SH3RF3: variants seen among roughly 807,000 people sequenced by gnomAD.
SH3RF3 encodes the protein SH3 domain containing ring finger 3, also known as E3 ubiquitin-protein ligase SH3RF3.
SH3RF3 carries 29 observed loss-of-function variants against 66.3 expected under a neutral mutation model. That is an observed-to-expected ratio of 0.44 (90% CI 0.33 to 0.60). The LOEUF (loss-of-function observed/expected upper bound fraction) is 0.60. SH3RF3 is among the 20% of genes least tolerant of loss of function. The pLI is 0.04. For synonymous variants in SH3RF3, 583 were observed against 532.0 expected, an observed-to-expected ratio of 1.10 and a Z score of -1.32; for missense variants, 1,194 against 1,190.9, an observed-to-expected ratio of 1.00 and a Z score of -0.04.
chr2:109,208,122 C>T (rs1417047367), intron 1 of SH3RF3, among the ~76,000 whole-genome samples: 4 of 152,262 alleles, frequency 2.6e-5, no homozygotes, highest in Non-Finnish European at 1.5e-5. Context: ...TGCTGCTGCC[C>T]CCATGGGCTC....
intron 8 of SH3RF3, among the ~76,000 whole-genome samples, chr2:109,467,763 C>A (rs566729884): frequency 1.9e-4 from 29 of 152,180 alleles, no homozygotes; most frequent in African/African-American, 6.3e-4. Context: ...TCCCACTGGG[C>A]ACCTTTTGCC....
At chr2:109,274,970 A>G (rs1162366085) in intron 1 of SH3RF3, among the ~76,000 whole-genome samples, 3 of 152,168 alleles carry the variant, frequency 2.0e-5, no homozygotes, top group Non-Finnish European at 4.4e-5. Flanking sequence ...ATTTCCTGTT[A>G]TATGAATTTT....
chr2:109,342,361 G>A (rs146877306), intron 1 of SH3RF3, among the ~76,000 whole-genome samples: 16 of 152,310 alleles, frequency 1.1e-4, no homozygotes, highest in African/African-American at 3.6e-4. Context: ...GTGTTCATTC[G>A]TTCAGTAGAT....
rs1010574528 is a variant in SH3RF3, at chr2:109,282,607, A to C, written c.574-65067A>C. Among the ~76,000 whole-genome samples the C allele has an allele frequency of 1.5e-4, 23 of 152,310 alleles. No homozygotes were observed. In the East Asian group the frequency reaches 4.3e-3, roughly 28 times the overall value. ...GGAGAACGGCGCACAGAGCCAATGC[A>C]CGCACTCCACCTCTCGCCTCCGTGG... On this transcript the variant is annotated intron_variant, in intron 1 of 9. Coordinates refer to ENST00000309415, the MANE Select transcript of SH3RF3 (RefSeq NM_001099289.3).
intron 1 of SH3RF3, among the ~76,000 whole-genome samples, chr2:109,344,593 A>T (rs1682639996): frequency 6.6e-6 from 1 of 152,236 alleles, no homozygotes; most frequent in Non-Finnish European, 1.5e-5. Flanking sequence ...CATCCAGCCC[A>T]TGACAGGCTG....
intron 1 of SH3RF3, among the ~76,000 whole-genome samples, chr2:109,161,599 A>G (rs1001593474): frequency 2.0e-5 from 3 of 151,886 alleles, no homozygotes; most frequent in Non-Finnish European, 2.9e-5. Flanking sequence ...TTGGGTCACA[A>G]TTCTGCTGAC....
At chr2:109,496,651 A>T (rs36128011) in intron 9 of SH3RF3, among the ~76,000 whole-genome samples, 80,157 of 151,960 alleles carry the variant, frequency 0.53, 21,562 homozygotes, top group East Asian at 0.69. Context: ...TGTGAGTTAT[A>T]TGGCTTTGTT....
intron 8 of SH3RF3, among the ~76,000 whole-genome samples, chr2:109,486,675 ACACCTG>A (rs1262834263): frequency 6.6e-6 from 1 of 152,056 alleles, no homozygotes; most frequent in African/African-American, 2.4e-5. Flanking sequence ...GGCCTTCACC[ACACCTG>A]CAGAGTTTGC....
intron 9 of SH3RF3, among the ~76,000 whole-genome samples, chr2:109,499,201 G>A (rs561050860): frequency 6.6e-6 from 1 of 152,264 alleles, no homozygotes; most frequent in East Asian, 1.9e-4. Context: ...CCAGAGCCGC[G>A]GGGGCCGTGT....
At chr2:109,174,817 G>A (rs1209102949) in intron 1 of SH3RF3, among the ~76,000 whole-genome samples, 3 of 152,210 alleles carry the variant, frequency 2.0e-5, no homozygotes, top group Non-Finnish European at 2.9e-5. Flanking sequence ...GGGGCTTAGC[G>A]TGCAAGCTTC....
chr2:109,378,945 T>C (rs1683450639), intron 3 of SH3RF3, among the ~76,000 whole-genome samples: 1 of 152,274 alleles, frequency 6.6e-6, no homozygotes, highest in Admixed American at 6.5e-5. Flanking sequence ...CAGGACTGTC[T>C]CTCTCTACAG....
chr2:109,447,310 C>T (rs924040984), intron 7 of SH3RF3, among the ~76,000 whole-genome samples: 4 of 152,052 alleles, frequency 2.6e-5, no homozygotes, highest in East Asian at 3.8e-4. Context: ...GCTTCACACA[C>T]GGCTGTGTCA....
intron 4 of SH3RF3, among the ~76,000 whole-genome samples, chr2:109,418,322 G>T (rs894939963): frequency 2.6e-5 from 4 of 152,112 alleles, no homozygotes; most frequent in Admixed American, 2.0e-4. Context: ...GAGGCTTCCA[G>T]AGCAGTACCA....
At chr2:109,197,289 G>A (rs1340559553) in intron 1 of SH3RF3, among the ~76,000 whole-genome samples, 1 of 152,154 alleles carries the variant, frequency 6.6e-6, no homozygotes, top group African/African-American at 2.4e-5. Context: ...GATGCACTTG[G>A]CCTCATTCTG....
At chr2:109,330,912 G>A (rs1682267781) in intron 1 of SH3RF3, among the ~76,000 whole-genome samples, 1 of 152,162 alleles carries the variant, frequency 6.6e-6, no homozygotes, top group Admixed American at 6.5e-5. Context: ...ATCTGTGTCT[G>A]GCACCTTGCA....
At chr2:109,417,669 TAG>T (rs1311033529) in intron 4 of SH3RF3, among the ~76,000 whole-genome samples, 3 of 152,142 alleles carry the variant, frequency 2.0e-5, no homozygotes, top group Non-Finnish European at 2.9e-5. Context: ...GGAGTTACCC[TAG>T]AGACACCAAG....
chr2:109,439,679 CCT>C (rs1459233631), intron 7 of SH3RF3, among the ~76,000 whole-genome samples: 4 of 152,148 alleles, frequency 2.6e-5, no homozygotes, highest in African/African-American at 9.7e-5. Flanking sequence ...CTTGCACACT[CCT>C]GTCTGTGCTT....
intron 8 of SH3RF3, among the ~76,000 whole-genome samples, chr2:109,451,582 C>T (rs990338779): frequency 6.6e-6 from 1 of 152,260 alleles, no homozygotes; most frequent in Non-Finnish European, 1.5e-5. Context: ...TCCCCATCAC[C>T]CACCTAAGTG....
intron 1 of SH3RF3, among the ~76,000 whole-genome samples, chr2:109,274,007 C>G (rs1479677886): frequency 2.0e-5 from 3 of 152,094 alleles, no homozygotes. Flanking sequence ...TACCATAGTT[C>G]TGGGCTTATA....
Sources: gnomAD v4.1 joint callset for allele counts (sites outside exome capture counted in the v4.1 genomes callset) on GRCh38, gnomAD v4.1.1 for gene constraint, MANE v1.5 for transcripts, NCBI Gene and HGNC (gene_info 2026-07-23, HGNC 2026-07-21) for gene names.